The following PRDM16 variants were observed in gnomAD, a reference collection of about 807,000 sequenced individuals.
PRDM16 encodes histone-lysine N-methyltransferase PRDM16.
In PRDM16, 23 loss-of-function variants were observed where a neutral mutation model predicts 110.6. That is an observed-to-expected ratio of 0.21 (90% CI 0.15 to 0.29). The LOEUF is 0.29. Ranked by LOEUF, PRDM16 falls within the 10% of genes least tolerant of loss-of-function variation. The pLI is 1.00. For missense variants in PRDM16, 1,615 were observed against 1,794.3 expected, an observed-to-expected ratio of 0.90 and a Z score of 1.81; for synonymous variants, 799 against 781.8, an observed-to-expected ratio of 1.02 and a Z score of -0.37.
At chr1:3,181,319 C>A (rs202227206) in intron 1 of PRDM16, among the ~76,000 whole-genome samples, 5,515 of 57,936 alleles carry the variant, frequency 0.095, 17 homozygotes, top group Admixed American at 0.13. Flanking sequence ...GTCTTACACA[C>A]GCAATCTTAC....
intron 1 of PRDM16, among the ~76,000 whole-genome samples, chr1:3,155,735 A>G (rs1643850626): frequency 1.3e-5 from 2 of 152,172 alleles, no homozygotes; most frequent in Admixed American, 1.3e-4. Flanking sequence ...CTTTTATTCA[A>G]ATAAAATCTA....
Position 3,434,557 on chromosome 1 carries a change from C to G in PRDM16, c.*746C>G, listed in dbSNP as rs114512351. 1 of 231,554 alleles carries G rather than the reference C, an allele frequency of 4.3e-6. No homozygotes were observed. Among genetic ancestry groups the G allele is most frequent in the Non-Finnish European group, 8.5e-6 (1 of 117,074 alleles). 14.3% of individuals were successfully genotyped at this position (231,554 alleles called of 1,614,324 possible). ...GGGCCACACCCGTGAACCATGCAGA[C>G]GGCCGAAGAAGTCTTAGGCAGGGCG... On this transcript the variant is annotated 3_prime_UTR_variant, in exon 17 of 17. Coordinates refer to ENST00000270722, the MANE Select transcript of PRDM16 (RefSeq NM_022114.4).
intron 2 of PRDM16, among the ~76,000 whole-genome samples, chr1:3,189,498 G>A (rs7530075): frequency 0.59 from 89,663 of 152,136 alleles, 29,321 homozygotes; most frequent in Non-Finnish European, 0.73. Flanking sequence ...CAACCCATGC[G>A]TGCGTGTCGT....
At chr1:3,169,665 C>T (rs1182187097) in intron 1 of PRDM16, among the ~76,000 whole-genome samples, 1 of 152,238 alleles carries the variant, frequency 6.6e-6, no homozygotes, top group Non-Finnish European at 1.5e-5. Flanking sequence ...AAACAGAGCC[C>T]GCCCCCCACG....
At chr1:3,145,405 CTG>C (rs1403903896) in intron 1 of PRDM16, among the ~76,000 whole-genome samples, 1 of 152,220 alleles carries the variant, frequency 6.6e-6, no homozygotes, top group African/African-American at 2.4e-5. Flanking sequence ...GGTGGCCACA[CTG>C]TGCTTTTGGG....
At chr1:3,348,349 A>G (rs1402068281) in intron 3 of PRDM16, among the ~76,000 whole-genome samples, 1 of 152,202 alleles carries the variant, frequency 6.6e-6, no homozygotes, top group East Asian at 1.9e-4. Context: ...CTGCCTGGCC[A>G]GGTCACTCGT....
At chr1:3,262,492 T>G (rs1438098828) in intron 3 of PRDM16, among the ~76,000 whole-genome samples, 1 of 152,198 alleles carries the variant, frequency 6.6e-6, no homozygotes, top group East Asian at 1.9e-4. Context: ...AGTGTCACCC[T>G]TGGCGGGAGG....
At chr1:3,349,546 C>T (rs993755819) in intron 3 of PRDM16, among the ~76,000 whole-genome samples, 1 of 152,098 alleles carries the variant, frequency 6.6e-6, no homozygotes, top group Non-Finnish European at 1.5e-5. Flanking sequence ...ATCCTCAACC[C>T]AAGGGTGTCC....
At chr1:3,141,323 G>A (rs1267292694) in intron 1 of PRDM16, among the ~76,000 whole-genome samples, 1 of 152,290 alleles carries the variant, frequency 6.6e-6, no homozygotes, top group Admixed American at 6.5e-5. Flanking sequence ...ATCTCGCTGG[G>A]CTGGGCGGTA....
rs1277682971 is a variant in PRDM16 at position 3,405,553 on chromosome 1, G to A, written c.1091G>A (p.Arg364Gln). 6 of 1,608,580 alleles carry A rather than the reference G, an allele frequency of 3.7e-6. No homozygotes were observed. The highest frequency in any genetic ancestry group is 2.2e-5 in the East Asian group (1 of 44,586). Residue 364 changes from arginine to glutamine, a missense_variant, in exon 8 of 17, where the codon CGG becomes CAG. By Grantham distance (43) the Arg-to-Gln change is conservative. Transcript: ENST00000270722. ...ATCCGCTCGCAGCACGTGGGCGCTC[G>A]GGCCCACGCCTGCCCCGACTGCGGG... ...RHIRSQHVGA[R>Q]AHACPDCGKT...
At chr1:3,152,997 G>A (rs1415772678) in intron 1 of PRDM16, among the ~76,000 whole-genome samples, 1 of 152,234 alleles carries the variant, frequency 6.6e-6, no homozygotes, top group Non-Finnish European at 1.5e-5. Context: ...TCAGGGAGGT[G>A]CCCAGGAATC....
At chr1:3,194,682 C>G (rs1451720344) in intron 2 of PRDM16, among the ~76,000 whole-genome samples, 1 of 139,566 alleles carries the variant, frequency 7.2e-6, no homozygotes, top group Non-Finnish European at 1.5e-5. Context: ...ACCGTCTGAT[C>G]GCCACACGCC....
rs1022642735 is a variant in PRDM16 at position 3,279,488 on chromosome 1, G to A, written c.438+35351G>A. Among the ~76,000 whole-genome samples the A allele has an allele frequency of 2.6e-5, 4 of 152,370 alleles. No individual in the cohort carries two copies. The East Asian group carries it at 5.8e-4, about 22-fold the overall frequency. ...GGCGTCAGTCTGGGACGCCCTGCAC[G>A]CCTGCCCCTGCCACCAGGCTGGCTT... On this transcript the variant is annotated intron_variant, in intron 3 of 16. Coordinates refer to ENST00000270722, the MANE Select transcript of PRDM16 (RefSeq NM_022114.4).
chr1:3,416,312 A>C (rs1442170858), intron 10 of PRDM16, among the ~76,000 whole-genome samples: 1 of 152,200 alleles, frequency 6.6e-6, no homozygotes, highest in Admixed American at 6.5e-5. Flanking sequence ...TGAGTGCCAG[A>C]TGCCCGGCAC....
chr1:3,423,620 C>T (rs2100687881), intron 12 of PRDM16, among the ~76,000 whole-genome samples: 1 of 152,324 alleles, frequency 6.6e-6, no homozygotes, highest in Non-Finnish European at 1.5e-5. Context: ...GGGCCACCGG[C>T]ACCGGTCGGG....
intron 1 of PRDM16, among the ~76,000 whole-genome samples, chr1:3,168,540 G>A (rs1052452077): frequency 6.0e-5 from 9 of 149,938 alleles, no homozygotes; most frequent in Non-Finnish European, 1.0e-4. Flanking sequence ...TGAGAAGTCC[G>A]GAGAAAGAAG....
intron 3 of PRDM16, among the ~76,000 whole-genome samples, chr1:3,362,820 G>C (rs1443456701): frequency 6.6e-6 from 1 of 152,196 alleles, no homozygotes; most frequent in African/African-American, 2.4e-5. Flanking sequence ...GCTCCAGGGA[G>C]CGTCGGGGAG....
intron 3 of PRDM16, among the ~76,000 whole-genome samples, chr1:3,343,895 C>G (rs979157584): frequency 2.0e-5 from 3 of 152,310 alleles, no homozygotes; most frequent in Admixed American, 2.0e-4. Context: ...CCCACCTCGG[C>G]CTCCCAAAGT....
chr1:3,112,568 C>A (rs906842545), intron 1 of PRDM16, among the ~76,000 whole-genome samples: 1 of 152,204 alleles, frequency 6.6e-6, no homozygotes, highest in Admixed American at 6.5e-5. Context: ...TGTTTGCTGC[C>A]CTGACTCCAG....
Sources: gnomAD v4.1 joint callset for allele counts (sites outside exome capture counted in the v4.1 genomes callset) on GRCh38, gnomAD v4.1.1 for gene constraint, MANE v1.5 for transcripts, NCBI Gene and HGNC (gene_info 2026-07-23, HGNC 2026-07-21) for gene names.